Variants in TTC28 observed in about 807,000 individuals in gnomAD.
TTC28 encodes tetratricopeptide repeat protein 28.
TTC28 carries 61 observed loss-of-function variants against 198.0 expected under a neutral mutation model. That is an observed-to-expected ratio of 0.31 (90% CI 0.25 to 0.38). TTC28 has a LOEUF of 0.38. Among genes scored for constraint, TTC28 ranks in the 10% least tolerant of loss-of-function variants. The probability of loss-of-function intolerance (pLI) is 1.00; values close to 1 mark genes in which losing one functional copy is unlikely to be tolerated. For missense variants in TTC28, 2,678 were observed against 3,164.0 expected, an observed-to-expected ratio of 0.85 and a Z score of 3.69; for synonymous variants, 1,171 against 1,297.8, an observed-to-expected ratio of 0.90 and a Z score of 2.10.
At chr22:28,571,451 G>A (rs1046485325) in intron 2 of TTC28, among the ~76,000 whole-genome samples, 2 of 152,026 alleles carry the variant, frequency 1.3e-5, no homozygotes, top group Non-Finnish European at 2.9e-5. Context: ...CTCAAATCAA[G>A]ACCCCACCAT....
At chr22:28,448,092 G>A (rs1008593644) in intron 2 of TTC28, among the ~76,000 whole-genome samples, 1 of 152,114 alleles carries the variant, frequency 6.6e-6, no homozygotes, top group African/African-American at 2.4e-5. Context: ...GCATAGTTCA[G>A]AATGTTAAAA....
intron 2 of TTC28, among the ~76,000 whole-genome samples, chr22:28,529,082 C>T (rs909040196): frequency 6.6e-6 from 1 of 152,178 alleles, no homozygotes; most frequent in Non-Finnish European, 1.5e-5. Context: ...GGGTGCAGCC[C>T]ACAGAGTGTG....
chr22:28,262,295 AC>A (rs1931377021), intron 5 of TTC28, among the ~76,000 whole-genome samples: 1 of 152,130 alleles, frequency 6.6e-6, no homozygotes, highest in South Asian at 2.1e-4. Context: ...AACTAACACA[AC>A]CCTACAGCCA....
At chr22:28,441,397 T>C (rs1402712924) in intron 2 of TTC28, among the ~76,000 whole-genome samples, 1 of 151,604 alleles carries the variant, frequency 6.6e-6, no homozygotes, top group African/African-American at 2.4e-5. Flanking sequence ...CCTCGTTCTG[T>C]CTGTATTGGG....
intron 2 of TTC28, among the ~76,000 whole-genome samples, chr22:28,587,325 G>A (rs971835057): frequency 4.6e-5 from 7 of 152,118 alleles, no homozygotes; most frequent in African/African-American, 1.7e-4. Context: ...AGCGGAAATC[G>A]TGCCACTGCA....
chr22:28,213,704 T>C (rs1026568030), intron 5 of TTC28, among the ~76,000 whole-genome samples: 2 of 149,724 alleles, frequency 1.3e-5, no homozygotes, highest in African/African-American at 5.0e-5. Context: ...GCCATACTGC[T>C]CAAGGTAATT....
chr22:28,151,369 C>T (rs1452442855), intron 6 of TTC28, among the ~76,000 whole-genome samples: 1 of 152,214 alleles, frequency 6.6e-6, no homozygotes, highest in African/African-American at 2.4e-5. Context: ...TGGGACCTGG[C>T]AGCGAGCAGC....
intron 2 of TTC28, among the ~76,000 whole-genome samples, chr22:28,549,559 T>C (rs1314698746): frequency 2.0e-5 from 3 of 152,200 alleles, no homozygotes; most frequent in African/African-American, 7.2e-5. Context: ...AGGATTTGGA[T>C]TCTCTCCTTT....
chr22:28,598,509 CAAA>C (rs36035176), intron 2 of TTC28, among the ~76,000 whole-genome samples: 6 of 52,666 alleles, frequency 1.1e-4, no homozygotes, highest in African/African-American at 5.2e-4. Flanking sequence ...ACTACGTCTC[CAAA>C]AAAAAAAAAA....
chr22:28,243,036 T>C (rs930955895), intron 5 of TTC28, among the ~76,000 whole-genome samples: 2 of 142,064 alleles, frequency 1.4e-5, no homozygotes, highest in African/African-American at 5.2e-5. Flanking sequence ...AATCTAATAA[T>C]TAAAAAAAAA....
At chr22:28,352,312 CATATAT>C (rs35793503) in intron 2 of TTC28, among the ~76,000 whole-genome samples, 22 of 142,710 alleles carry the variant, frequency 1.5e-4, no homozygotes, top group Middle Eastern at 7.2e-3. Flanking sequence ...GAGATATATA[CATATAT>C]ATATATATAT....
intron 2 of TTC28, among the ~76,000 whole-genome samples, chr22:28,323,313 C>T (rs2045475513): frequency 6.6e-6 from 1 of 152,078 alleles, no homozygotes; most frequent in South Asian, 2.1e-4. Context: ...GGATATGTGA[C>T]CTTTCAGAAA....
intron 2 of TTC28, among the ~76,000 whole-genome samples, chr22:28,496,956 T>C (rs2048463851): frequency 6.6e-6 from 1 of 152,170 alleles, no homozygotes; most frequent in Admixed American, 6.5e-5. Context: ...TGAATCCCAC[T>C]GAGAACACTT....
intron 2 of TTC28, among the ~76,000 whole-genome samples, chr22:28,391,564 C>T (rs1240462346): frequency 6.6e-6 from 1 of 152,128 alleles, no homozygotes; most frequent in Non-Finnish European, 1.5e-5. Flanking sequence ...TTTCTCTAAA[C>T]TTCCCTTCTT....
intron 2 of TTC28, among the ~76,000 whole-genome samples, chr22:28,451,741 A>G (rs977385428): frequency 6.6e-6 from 1 of 152,196 alleles, no homozygotes; most frequent in African/African-American, 2.4e-5. Flanking sequence ...TGCTATGACT[A>G]TGTTATAAAT....
At chr22:28,200,898 T>C (rs978634651) in intron 5 of TTC28, among the ~76,000 whole-genome samples, 17 of 152,208 alleles carry the variant, frequency 1.1e-4, no homozygotes, top group African/African-American at 4.1e-4. Flanking sequence ...TGCTACTATC[T>C]AAATAAGTAA....
intron 5 of TTC28, among the ~76,000 whole-genome samples, chr22:28,174,514 T>C (rs1474797914): frequency 1.3e-5 from 2 of 152,168 alleles, no homozygotes; most frequent in African/African-American, 4.8e-5. Context: ...GACCAGCATA[T>C]GATTCATACT....
intron 2 of TTC28, among the ~76,000 whole-genome samples, chr22:28,460,607 G>GTAGATAGATAGA (rs4035771): frequency 1.4e-5 from 2 of 144,598 alleles, no homozygotes; most frequent in African/African-American, 2.6e-5. Flanking sequence ...ATGATTAATG[G>GTAGATAGATAGA]TAGATAGATA....
At chr22:28,330,374 G>T (rs2045595663) in intron 2 of TTC28, among the ~76,000 whole-genome samples, 1 of 152,114 alleles carries the variant, frequency 6.6e-6, no homozygotes, top group Non-Finnish European at 1.5e-5. Context: ...GACAACTGGG[G>T]CCTCGATTGG....
Sources: gnomAD v4.1 joint callset for allele counts (sites outside exome capture counted in the v4.1 genomes callset) on GRCh38, gnomAD v4.1.1 for gene constraint, MANE v1.5 for transcripts, NCBI Gene and HGNC (gene_info 2026-07-23, HGNC 2026-07-21) for gene names.